CIAO2A: variants seen among roughly 807,000 people sequenced by gnomAD.
The protein encoded by CIAO2A is MIP18 family protein FAM96A.
A neutral mutation model predicts 22.4 loss-of-function variants in CIAO2A; 17 were observed. The observed-to-expected ratio is 0.76, with a 90% CI of 0.52 to 1.14. The LOEUF (loss-of-function observed/expected upper bound fraction) is 1.14, where lower values mean the gene tolerates loss of function less well. Among genes scored for constraint, CIAO2A ranks in the 50% most tolerant of loss-of-function variants. CIAO2A has a pLI of 0.00. For missense variants in CIAO2A, 192 were observed against 191.4 expected, an observed-to-expected ratio of 1.00 and a Z score of -0.02; for synonymous variants, 74 against 72.3, an observed-to-expected ratio of 1.02 and a Z score of -0.12.
At chr15:64,091,379 G>A (rs1477922141) in intron 1 of CIAO2A, among the ~76,000 whole-genome samples, 1 of 151,916 alleles carries the variant, frequency 6.6e-6, no homozygotes, top group Non-Finnish European at 1.5e-5. Context: ...CAGCTACTCA[G>A]GAGGCTGAGG....
chr15:64,093,582 C>T, intron 1 of CIAO2A, 63 bp downstream of exon 1: 3 of 1,543,162 alleles, frequency 1.9e-6, no homozygotes, highest in Non-Finnish European at 2.6e-6. Flanking sequence ...CCATCATCCC[C>T]GCACCCCTCA....
chr15:64,087,154 C>T lies in CIAO2A; in HGVS notation c.289+1533G>A, dbSNP rs1338708976. Among the ~76,000 whole-genome samples the T allele has an allele frequency of 1.1e-4, 15 of 132,124 alleles. No homozygotes were observed. In the Admixed American group the frequency reaches 1.4e-3, roughly 12 times the overall value. 86.7% of individuals were successfully genotyped at this position (132,124 alleles called of 152,430 possible). A position where few individuals can be genotyped will look rare whatever the true frequency, so the allele number is the denominator to read the frequency against. On this transcript the variant is annotated intron_variant, in intron 2 of 4. Transcript: ENST00000300030. ...ATGCCCAGGCTGGAGTGCAGTGGTG[C>T]AATCTCGGCTCACTGCAAACTCCGC...
At chr15:64,091,257 G>A (rs984223132) in intron 1 of CIAO2A, among the ~76,000 whole-genome samples, 1 of 151,996 alleles carries the variant, frequency 6.6e-6, no homozygotes, top group African/African-American at 2.4e-5. Flanking sequence ...GAGGCAAGTG[G>A]ATCACCCACC....
Position 64,072,802 on chromosome 15 carries a change from G to A in CIAO2A, c.*129C>T. The stretch of plus-strand genomic sequence containing the variant: ...CTACCTTATAATTAAATCTCGCTTG[G>A]AAAGAATCCTTTAAAAAATACTCTG... On this transcript the variant is annotated 3_prime_UTR_variant, in exon 5 of 5. Transcript: ENST00000300030. The A allele has an allele frequency of 1.8e-6, 1 of 569,212 alleles. No homozygotes were observed. Among genetic ancestry groups the A allele is most frequent in the South Asian group, 2.7e-5 (1 of 36,736 alleles). The allele number at this position is 569,212 out of a possible 1,614,324, so 35.3% of individuals were successfully genotyped here.
chr15:64,082,170 A>T (rs1440769224), intron 2 of CIAO2A, among the ~76,000 whole-genome samples: 2 of 152,182 alleles, frequency 1.3e-5, no homozygotes, highest in Non-Finnish European at 2.9e-5. Context: ...AAAAATCCCA[A>T]AACAGGGAAA....
rs895527876 is a variant in CIAO2A, at chr15:64,084,013, C to T, written c.290-2862G>A. On this transcript the variant is annotated intron_variant, in intron 2 of 4. Coordinates refer to ENST00000300030, the MANE Select transcript of CIAO2A (RefSeq NM_032231.7). Reference sequence around the variant, plus strand: ...CAATGGTCTTAGCTGAAATGCATAACGAAAGGGCTAAGACAAAACTTTCTA... The same window carrying T: ...CAATGGTCTTAGCTGAAATGCATAATGAAAGGGCTAAGACAAAACTTTCTA... Among the ~76,000 whole-genome samples, 8 of 151,688 alleles carry T rather than the reference C, an allele frequency of 5.3e-5. No homozygotes were observed. In the South Asian group the frequency reaches 8.3e-4, roughly 16 times the overall value.
intron 2 of CIAO2A, among the ~76,000 whole-genome samples, chr15:64,082,524 G>A (rs141945190): frequency 1.7e-4 from 26 of 152,174 alleles, no homozygotes; most frequent in South Asian, 1.5e-3. Context: ...CACCGCGCCC[G>A]ACCTTATAGA....
chr15:64,079,896 A>G (rs1266169971), intron 3 of CIAO2A, among the ~76,000 whole-genome samples: 1 of 152,230 alleles, frequency 6.6e-6, no homozygotes, highest in African/African-American at 2.4e-5. Context: ...ATGGGAGAAC[A>G]TATTTGCCAA....
intron 2 of CIAO2A, among the ~76,000 whole-genome samples, chr15:64,086,084 T>C (rs1007365723): frequency 1.3e-5 from 2 of 151,940 alleles, no homozygotes; most frequent in African/African-American, 4.8e-5. Context: ...AACATGTTAC[T>C]CATATAATTT....
chr15:64,073,508 C>A (rs952140147), intron 4 of CIAO2A, among the ~76,000 whole-genome samples: 10 of 152,080 alleles, frequency 6.6e-5, no homozygotes, highest in African/African-American at 2.4e-4. Context: ...TGATTCATAT[C>A]ATTGATTTAC....
At chr15:64,089,875 C>T (rs188199098) in intron 1 of CIAO2A, among the ~76,000 whole-genome samples, 7 of 152,310 alleles carry the variant, frequency 4.6e-5, no homozygotes, top group Non-Finnish European at 7.3e-5. Flanking sequence ...TTCAATTTCA[C>T]ACAGAATGAT....
chr15:64,081,215 C>G, intron 2 of CIAO2A, 64 bp from the exon 3 acceptor site: 2 of 1,506,660 alleles, frequency 1.3e-6, no homozygotes, highest in Non-Finnish European at 1.8e-6. Context: ...CTTGAAAAAG[C>G]ATACAACTGC....
intron 2 of CIAO2A, among the ~76,000 whole-genome samples, chr15:64,086,743 A>G (rs1422863881): frequency 6.6e-6 from 1 of 151,474 alleles, no homozygotes; most frequent in Non-Finnish European, 1.5e-5. Flanking sequence ...CCTCCCGAGT[A>G]GCCGGGATTA....
chr15:64,082,016 A>G (rs898325252), intron 2 of CIAO2A, among the ~76,000 whole-genome samples: 4 of 152,196 alleles, frequency 2.6e-5, no homozygotes, highest in African/African-American at 4.8e-5. Flanking sequence ...TCAGTTTATC[A>G]TCCCATGCTA....
rs745485013 is a variant in CIAO2A at position 64,075,548 on chromosome 15, G to A, written c.340-11C>T. 25 of 1,552,516 alleles carry A rather than the reference G, an allele frequency of 1.6e-5. No individual in the cohort carries two copies. Among genetic ancestry groups the A allele is most frequent in the Admixed American group, 1.8e-5 (1 of 55,356 alleles). ...AATGTAGATTTCCAACTGGAAAGTG[G>A]GAAAAAAAGTAAAAGAAAAAACATT... On this transcript the variant is annotated splice_polypyrimidine_tract_variant and intron_variant, in intron 3 of 4. Transcript: ENST00000300030.
At chr15:64,086,284 C>T (rs1206214535) in intron 2 of CIAO2A, among the ~76,000 whole-genome samples, 13 of 151,520 alleles carry the variant, frequency 8.6e-5, no homozygotes, top group East Asian at 2.0e-4. Flanking sequence ...TGGTGGCGGG[C>T]GCCTGTAATT....
At position 64,088,826 on chromosome 15, in the gene CIAO2A, T is replaced by C. The variant is rs1487057759; in HGVS notation, c.150A>G (p.Pro50=). 2 of 1,613,848 alleles carry C rather than the reference T, an allele frequency of 1.2e-6. No homozygotes were observed. The highest frequency in any genetic ancestry group is 2.2e-5 in the East Asian group (1 of 44,876). ...GTTCTTCTAAAGTATTGGGCTTTTC[T>C]GGGTCCCGGATAGTTCTAATCAAAT... The part of the protein sequence containing the change: ...VYDLIRTIRD[P]EKPNTLEELE... The change falls in exon 2 of 5, where the codon CCA becomes CCG. Residue 50 remains proline, a synonymous_variant. Transcript: ENST00000300030.
At chr15:64,079,550 G>A (rs1447426072) in intron 3 of CIAO2A, among the ~76,000 whole-genome samples, 1 of 152,136 alleles carries the variant, frequency 6.6e-6, no homozygotes, top group East Asian at 1.9e-4. Flanking sequence ...AAGATGTGTA[G>A]GATTTGAACA....
At chr15:64,083,989 A>G (rs547731123) in intron 2 of CIAO2A, among the ~76,000 whole-genome samples, 1 of 152,200 alleles carries the variant, frequency 6.6e-6, no homozygotes, top group Non-Finnish European at 1.5e-5. Context: ...ATAAAAAGCC[A>G]ATGGTCTTAG....
Sources: allele counts gnomAD v4.1 joint callset (sites outside exome capture counted in the v4.1 genomes callset), GRCh38; gene constraint gnomAD v4.1.1; transcripts MANE v1.5; gene names NCBI Gene and HGNC (gene_info 2026-07-23, HGNC 2026-07-21).